ARID1A: variants seen among roughly 807,000 people sequenced by gnomAD.
The protein encoded by ARID1A is AT-rich interaction domain 1A.
ARID1A carries 20 observed loss-of-function variants against 212.6 expected under a neutral mutation model. The observed-to-expected ratio is 0.09, with a 90% CI of 0.07 to 0.14. The LOEUF (loss-of-function observed/expected upper bound fraction) is 0.14. Among genes scored for constraint, ARID1A ranks in the 10% least tolerant of loss-of-function variants. The probability of loss-of-function intolerance (pLI) is 1.00; values close to 1 mark genes in which losing one functional copy is unlikely to be tolerated. For synonymous variants in ARID1A, 1,376 were observed against 1,222.1 expected, an observed-to-expected ratio of 1.13 and a Z score of -2.63; for missense variants, 2,587 against 3,059.0, an observed-to-expected ratio of 0.85 and a Z score of 3.64.
chr1:26,697,611 G>A (rs2124745745), intron 1 of ARID1A, 71 bp downstream of exon 1: 1 of 1,247,822 alleles, frequency 8.0e-7, no homozygotes, highest in Non-Finnish European at 1.0e-6. Context: ...GCGGTGAGCG[G>A]GCCACAGCCT....
At chr1:26,778,680 A>G (rs925430731) in intron 19 of ARID1A, 19 of 196,170 alleles carry the variant, frequency 9.7e-5, no homozygotes, top group African/African-American at 3.3e-4. Context: ...GATAATGGCA[A>G]TGACCACCAG....
In ARID1A at chr1:26,696,122, G is replaced by T; in HGVS notation, c.-282G>T. 2.2e-6 allele frequency: 1 copy of T among 459,718 alleles called. No individual in the cohort carries two copies. Among genetic ancestry groups the T allele is most frequent in the Non-Finnish European group, 3.1e-6 (1 of 321,954 alleles). 28.5% of individuals were successfully genotyped at this position (459,718 alleles called of 1,614,324 possible). On this transcript the variant is annotated 5_prime_UTR_variant, in exon 1 of 20. Coordinates refer to ENST00000324856, the MANE Select transcript of ARID1A (RefSeq NM_006015.6). ...CCAGGCAAGGGCTTGGGGGGAATGAGCCGGGAGAGCCGGGTCCCGAGCCTA... is the reference window on the plus strand; with the variant it reads ...CCAGGCAAGGGCTTGGGGGGAATGATCCGGGAGAGCCGGGTCCCGAGCCTA...
rs2081082810 is a variant in ARID1A at position 26,771,552 on chromosome 1, C to CTG, written c.3406+227_3406+228dup. On this transcript the variant is annotated intron_variant, in intron 12 of 19. Coordinates refer to ENST00000324856, the MANE Select transcript of ARID1A (RefSeq NM_006015.6). This position sits in a 1 kb window ranked among gnomAD's most constrained non-coding sequence, Gnocchi z 5.4. ...TTAAGTTTTAATTTTTGTTGTGCAG[C>CTG]TGACAACTTGCCAAATGTTTGTAAA... The CTG allele has an allele frequency of 5.3e-6, 3 of 566,352 alleles. No individual in the cohort carries two copies. Among genetic ancestry groups the CTG allele is most frequent in the Non-Finnish European group, 9.4e-6 (3 of 319,534 alleles). 35.1% of individuals were successfully genotyped at this position (566,352 alleles called of 1,614,324 possible).
At position 26,703,371 on chromosome 1, in the gene ARID1A, A is replaced by G. The variant is rs114307360; in HGVS notation, c.1137+5831A>G. 5.3e-3 allele frequency among the ~76,000 whole-genome samples: 813 copies of G among 152,330 alleles called. 6 individuals carry two copies. The highest frequency in any genetic ancestry group is 0.018 in the African/African-American group (756 of 41,556). On this transcript the variant is annotated intron_variant, in intron 1 of 19. Transcript: ENST00000324856. ...TCTGTCTGTGGTCCTCTTCTTTGGT[A>G]GCCTTGTGAGATGACCAGATTTGCC...
chr1:26,718,275 G>C (rs1023014293), intron 1 of ARID1A, among the ~76,000 whole-genome samples: 1 of 151,984 alleles, frequency 6.6e-6, no homozygotes, highest in Non-Finnish European at 1.5e-5. Context: ...GCACCCAGCC[G>C]TTGTTTTGTT....
At chr1:26,747,719 G>A (rs1010874319) in intron 4 of ARID1A, among the ~76,000 whole-genome samples, 2 of 151,530 alleles carry the variant, frequency 1.3e-5, no homozygotes, top group African/African-American at 2.4e-5. Context: ...CCATGGTGGT[G>A]CATGCCTGTA....
chr1:26,773,231 T>C (rs1050605955), intron 14 of ARID1A, 115 bp from the exon 15 acceptor site: 3 of 1,425,688 alleles, frequency 2.1e-6, no homozygotes, highest in Non-Finnish European at 2.8e-6. Context: ...TGTTTTGAAC[T>C]TGTCTGGAAA....
At chr1:26,717,953 GT>G (rs2080519211) in intron 1 of ARID1A, among the ~76,000 whole-genome samples, 1 of 152,044 alleles carries the variant, frequency 6.6e-6, no homozygotes, top group Non-Finnish European at 1.5e-5. Context: ...CAGTTTTTTT[GT>G]TTGTTTTTGT....
intron 1 of ARID1A, among the ~76,000 whole-genome samples, chr1:26,721,044 T>C (rs949681178): frequency 1.3e-5 from 2 of 152,156 alleles, no homozygotes; most frequent in African/African-American, 4.8e-5. Context: ...ACCCCAGATG[T>C]ACTTACTGCC....
At chr1:26,712,739 A>G (rs1247909356) in intron 1 of ARID1A, among the ~76,000 whole-genome samples, 1 of 152,172 alleles carries the variant, frequency 6.6e-6, no homozygotes, top group Non-Finnish European at 1.5e-5. Context: ...TGAACAAGCC[A>G]CCTCATCTCT....
At chr1:26,776,845 A>T (rs1361115098) in intron 19 of ARID1A, among the ~76,000 whole-genome samples, 1 of 152,184 alleles carries the variant, frequency 6.6e-6, no homozygotes, top group African/African-American at 2.4e-5. Context: ...GGATGAGTAA[A>T]TAGGCTCAGT....
intron 1 of ARID1A, among the ~76,000 whole-genome samples, chr1:26,708,583 C>T (rs1273650992): frequency 6.7e-6 from 1 of 148,412 alleles, no homozygotes; most frequent in Non-Finnish European, 1.5e-5. Context: ...CGCACCCAGC[C>T]AGAGTCTTTC....
At chr1:26,728,596 C>T (rs1027135725) in intron 1 of ARID1A, among the ~76,000 whole-genome samples, 1 of 152,160 alleles carries the variant, frequency 6.6e-6, no homozygotes, top group African/African-American at 2.4e-5. Flanking sequence ...AATCAATGAA[C>T]CACTGAACTC....
At chr1:26,724,206 A>C (rs755981040) in intron 1 of ARID1A, among the ~76,000 whole-genome samples, 2 of 152,164 alleles carry the variant, frequency 1.3e-5, no homozygotes, top group Non-Finnish European at 2.9e-5. Flanking sequence ...CACTAGCCCC[A>C]ACTAGTTAGC....
In ARID1A at chr1:26,697,232, G is replaced by C; in HGVS notation, c.829G>C (p.Gly277Arg). The C allele has an allele frequency of 7.3e-7, 1 of 1,376,088 alleles. No homozygotes were observed. The highest frequency in any genetic ancestry group is 9.3e-7 in the Non-Finnish European group (1 of 1,071,344). The allele number at this position is 1,376,088 out of a possible 1,614,324, so 85.2% of individuals were successfully genotyped here. Reference protein sequence around the residue: ...AQQRFGAMGGGGPSAAGGGTP... With the variant: ...AQQRFGAMGGRGPSAAGGGTP... ...GCAGCGCTTCGGGGCCATGGGGGGA[G>C]GCGGCCCCTCCGCGGCCGGCGGGGG... Residue 277 changes from glycine (G) to arginine (R), a missense_variant, in exon 1 of 20, where the codon GGC (glycine) becomes CGC (arginine). Gly to Arg is a moderately radical substitution (Grantham distance 125, BLOSUM62 -2). Transcript: ENST00000324856.
chr1:26,758,654 A>ATGT (rs1444426581), intron 4 of ARID1A, among the ~76,000 whole-genome samples: 2 of 151,452 alleles, frequency 1.3e-5, no homozygotes, highest in African/African-American at 4.9e-5. Context: ...AGAACCAAGG[A>ATGT]TGTAATCCCT....
At chr1:26,728,694 C>G (rs915091089) in intron 1 of ARID1A, among the ~76,000 whole-genome samples, 1 of 152,154 alleles carries the variant, frequency 6.6e-6, no homozygotes, top group Non-Finnish European at 1.5e-5. Flanking sequence ...TTATATCAGA[C>G]CCATGCCTAC....
chr1:26,763,176 A>G lies in ARID1A; in HGVS notation c.2623A>G (p.Met875Val). 3.7e-6 allele frequency: 6 copies of G among 1,614,266 alleles called. No homozygotes were observed. Among genetic ancestry groups the G allele is most frequent in the Non-Finnish European group, 5.1e-6 (6 of 1,180,044 alleles). The change falls in exon 8 of 20, where the codon ATG becomes GTG. Residue 875 changes from methionine (M) to valine (V), a missense_variant. This residue lies in a region of ARID1A where 674 missense variants were observed against 813.4 expected (regional missense o/e 0.83). Coordinates refer to ENST00000324856, the MANE Select transcript of ARID1A (RefSeq NM_006015.6). ...NRPYGPNMAN[M>V]PPQVGSGMCP... ...GCCTTATGGCCCTAACATGGCCAAT[A>G]TGCCACCTCAGGTTGGGTCAGGGAT...
chr1:26,697,544 C>G lies in ARID1A; in HGVS notation c.1137+4C>G. On this transcript the variant is annotated splice_donor_region_variant and intron_variant, in intron 1 of 19. Transcript: ENST00000324856. ...GCCGCTCGCCCGGACCCCTCAGGTA[C>G]ACAGCTGAGTGGGGAGGGGGCTGGG... 7.3e-7 allele frequency: 1 copy of G among 1,367,608 alleles called. No homozygotes were observed. The highest frequency in any genetic ancestry group is 9.3e-7 in the Non-Finnish European group (1 of 1,070,680). 84.7% of individuals were successfully genotyped at this position (1,367,608 alleles called of 1,614,324 possible).
Sources: allele counts gnomAD v4.1 joint callset (sites outside exome capture counted in the v4.1 genomes callset), GRCh38; gene constraint gnomAD v4.1.1; regional missense constraint gnomAD v4.1.1; non-coding constraint Gnocchi (gnomAD v3.1); transcripts MANE v1.5; gene names NCBI Gene and HGNC (gene_info 2026-07-23, HGNC 2026-07-21).